Variants in CDC25B observed in about 807,000 individuals in gnomAD.
The protein encoded by CDC25B is M-phase inducer phosphatase 2.
In CDC25B, 33 loss-of-function variants were observed where a neutral mutation model predicts 69.8. That is an observed-to-expected ratio of 0.47 (90% CI 0.36 to 0.63). The LOEUF is 0.63. Ranked by LOEUF, CDC25B falls within the 30% of genes least tolerant of loss-of-function variation. The pLI, the probability that CDC25B is intolerant of heterozygous loss-of-function variation, is 0.00. For missense variants in CDC25B, 727 were observed against 809.1 expected (o/e 0.90, Z 1.23); for synonymous variants, 341 against 314.6 (o/e 1.08, Z -0.89).
chr20:3,800,350 TC>T, intron 4 of CDC25B, 21 bp downstream of exon 4: 1 of 1,614,046 alleles, frequency 6.2e-7, no homozygotes, highest in Non-Finnish European at 8.5e-7. Context: ...CTGGGCCTCT[TC>T]CATCTACCAC....
chr20:3,798,233 G>C (rs2089135332), intron 2 of CDC25B, among the ~76,000 whole-genome samples, 179 bp from the exon 3 acceptor site: 1 of 152,060 alleles, frequency 6.6e-6, no homozygotes, highest in African/African-American at 2.4e-5. Context: ...TGTACCGTCT[G>C]GGGGACGATG....
At chr20:3,796,774 G>C (rs763925251) in intron 1 of CDC25B, 43 bp downstream of exon 1, 1 of 1,526,008 alleles carries the variant, frequency 6.6e-7, no homozygotes. Flanking sequence ...TGAGAGGCTA[G>C]GTCTGGAGTC....
At position 3,800,447 on chromosome 20, in the gene CDC25B, C is replaced by G. The variant is rs1021777274; in HGVS notation, c.423-15C>G. ...GCCTCTCCCAGCTCTCACCTGTCCC[C>G]ATTTCCTCCTGTAGCGAGCAGTTTG... On this transcript the variant is annotated splice_polypyrimidine_tract_variant and intron_variant, in intron 4 of 15. Coordinates refer to ENST00000245960, the MANE Select transcript of CDC25B (RefSeq NM_021873.4). 4.3e-6 allele frequency: 7 copies of G among 1,614,078 alleles called. No homozygotes were observed. Among genetic ancestry groups the G allele is most frequent in the African/African-American group, 4.0e-5 (3 of 74,938 alleles).
intron 1 of CDC25B, 59 bp from the exon 2 acceptor site, chr20:3,797,563 C>G: frequency 6.3e-7 from 1 of 1,598,604 alleles, no homozygotes. Context: ...CGTGGGCTAG[C>G]CAGGCCTTGA....
At chr20:3,804,501 G>A (rs1485033899) in intron 14 of CDC25B, 68 bp from the exon 15 acceptor site, 3 of 980,658 alleles carry the variant, frequency 3.1e-6, no homozygotes, top group African/African-American at 1.6e-5. Flanking sequence ...GGACGTGGGG[G>A]ATAGGTCCCA....
chr20:3,800,573 G>A, intron 5 of CDC25B, 75 bp downstream of exon 5: 1 of 1,591,630 alleles, frequency 6.3e-7, no homozygotes, highest in East Asian at 2.2e-5. Context: ...GATGCATTCA[G>A]GGATCACCTC....
At chr20:3,802,864 C>A (rs2089333846) in intron 11 of CDC25B, 46 bp from the exon 12 acceptor site, 1 of 1,478,678 alleles carries the variant, frequency 6.8e-7, no homozygotes, top group Non-Finnish European at 9.5e-7. Context: ...CTGGTCTTAC[C>A]AATTTAACTT....
At chr20:3,800,716 T>G (rs1304607545) in intron 5 of CDC25B, 27 bp from the exon 6 acceptor site, 1 of 1,401,872 alleles carries the variant, frequency 7.1e-7, no homozygotes, top group Admixed American at 1.8e-5. Flanking sequence ...TTCATTCCTC[T>G]GCCTGCCGCC....
upstream of CDC25B, chr20:3,795,706 C>G: frequency 1.0e-6 from 1 of 985,544 alleles, no homozygotes; most frequent in Non-Finnish European, 1.2e-6. Flanking sequence ...CCTCCCACCT[C>G]CTACGCTGGG....
chr20:3,801,579 C>A lies in CDC25B; in HGVS notation c.841-143C>A. 3 of 1,020,990 alleles carry A rather than the reference C, an allele frequency of 2.9e-6. No homozygotes were observed. In the South Asian group the frequency reaches 4.9e-5, roughly 17 times the overall value. 63.2% of individuals were successfully genotyped at this position (1,020,990 alleles called of 1,614,324 possible). On this transcript the variant is annotated intron_variant, in intron 8 of 15. Transcript: ENST00000245960. The stretch of plus-strand genomic sequence containing the variant: ...AGGTGGCTGGTGCCACAGTGGAGGG[C>A]GGTTTGGGAGGTAGGGGAGCTTCTC...
chr20:3,802,263 A>G lies in CDC25B; in HGVS notation c.1099-18A>G, dbSNP rs1449518748. 2 of 1,607,730 alleles carry G rather than the reference A, an allele frequency of 1.2e-6. No individual in the cohort carries two copies. Among genetic ancestry groups the G allele is most frequent in the South Asian group, 2.2e-5 (2 of 90,968 alleles). ...CAGCCCCACCCTGACCCTGGCCTCCATCTGACTCACTTTCCAGAAAGCCCG... is the reference window on the plus strand; with the variant it reads ...CAGCCCCACCCTGACCCTGGCCTCCGTCTGACTCACTTTCCAGAAAGCCCG... On this transcript the variant is annotated intron_variant, in intron 10 of 15. Coordinates refer to ENST00000245960, the MANE Select transcript of CDC25B (RefSeq NM_021873.4).
In CDC25B at chr20:3,800,152, C is replaced by T. The variant is rs11569998; in HGVS notation, c.381-136C>T. The T allele has an allele frequency of 0.013, 9,475 of 716,544 alleles. 721 individuals carry two copies. The African/African-American group carries it at 0.15, about 12-fold the overall frequency. The allele number at this position is 716,544 out of a possible 1,614,324, so 44.4% of individuals were successfully genotyped here. On this transcript the variant is annotated intron_variant, in intron 3 of 15. Coordinates refer to ENST00000245960, the MANE Select transcript of CDC25B (RefSeq NM_021873.4). Reference sequence around the variant, plus strand: ...GCCCCCTGATGGTGGGCGTTCTTCCCACCCCACCCCTTCCACTGCCTTGAG... The same window carrying T: ...GCCCCCTGATGGTGGGCGTTCTTCCTACCCCACCCCTTCCACTGCCTTGAG...
At chr20:3,799,527 C>T (rs6139207) in intron 3 of CDC25B, among the ~76,000 whole-genome samples, 231 of 32,978 alleles carry the variant, frequency 7.0e-3, no homozygotes, top group Middle Eastern at 0.045. Context: ...TGTGTGTGTG[C>T]GCGCGCGCGC....
upstream of CDC25B, among the ~76,000 whole-genome samples, chr20:3,795,152 G>A (rs1395644606): frequency 2.6e-5 from 4 of 152,132 alleles, no homozygotes; most frequent in Non-Finnish European, 5.9e-5. Flanking sequence ...ACGAGGTCAG[G>A]AGTTCGAGAC....
Position 3,796,361 on chromosome 20 carries a change from C to T in CDC25B, c.-171C>T. ...CCCGGCGTCCCTCGCCCCCCGCCCTCCCCGCATCCCTCTCCTCCCTCGCGC... is the reference window on the plus strand; with the variant it reads ...CCCGGCGTCCCTCGCCCCCCGCCCTTCCCGCATCCCTCTCCTCCCTCGCGC... On this transcript the variant is annotated 5_prime_UTR_variant, in exon 1 of 16. Coordinates refer to ENST00000245960, the MANE Select transcript of CDC25B (RefSeq NM_021873.4). 2 of 1,268,486 alleles carry T rather than the reference C, an allele frequency of 1.6e-6. No homozygotes were observed. The highest frequency in any genetic ancestry group is 4.4e-5 in the Admixed American group (1 of 22,984). The allele number at this position is 1,268,486 out of a possible 1,614,324, so 78.6% of individuals were successfully genotyped here.
intron 3 of CDC25B, 109 bp from the exon 4 acceptor site, chr20:3,800,179 C>T: frequency 3.0e-6 from 2 of 660,858 alleles, no homozygotes; most frequent in South Asian, 2.1e-5. Context: ...TGCCTTGAGC[C>T]TTGGCCCTTG....
rs772585607 is a variant in CDC25B, at chr20:3,803,371, G to A, written c.1357-33G>A. ...GGGGAGGGCCCTGACTCCTGGACCC[G>A]GGGCTGTGCCTGACCTCTGGCTCCT... On this transcript the variant is annotated intron_variant, in intron 13 of 15. Transcript: ENST00000245960. The surrounding 1 kb of genome is among the most constrained non-coding windows in gnomAD (Gnocchi z 4.9). 87 of 1,613,782 alleles carry A rather than the reference G, an allele frequency of 5.4e-5. 3 individuals are homozygous for A. In the South Asian group the frequency reaches 6.7e-4, roughly 12 times the overall value.
At position 3,803,451 on chromosome 20, in the gene CDC25B, G is replaced by A. The variant is rs772465284; in HGVS notation, c.1404G>A (p.Leu468=). 29 of 1,613,980 alleles carry A rather than the reference G, an allele frequency of 1.8e-5. No homozygotes were observed. The highest frequency in any genetic ancestry group is 2.4e-5 in the Non-Finnish European group (28 of 1,180,000). Residue 468 remains leucine, a synonymous_variant, in exon 14 of 16, where the codon CTG becomes CTA. Coordinates refer to ENST00000245960, the MANE Select transcript of CDC25B (RefSeq NM_021873.4). The surrounding 1 kb of genome is among the most constrained non-coding windows in gnomAD (Gnocchi z 4.9). ...AACGCGACGCCGAGAGCTTCCTACTGAAGAGCCCCATCGCGCCCTGTAGCC... is the reference window on the plus strand; with the variant it reads ...AACGCGACGCCGAGAGCTTCCTACTAAAGAGCCCCATCGCGCCCTGTAGCC... The part of the protein sequence containing the change: ...PLERDAESFL[L]KSPIAPCSLD...
Position 3,804,599 on chromosome 20 carries a change from T to C in CDC25B, c.1521T>C (p.Ala507=). The C allele has an allele frequency of 1.2e-6, 2 of 1,614,092 alleles. No homozygotes were observed. The highest frequency in any genetic ancestry group is 1.7e-6 in the Non-Finnish European group (2 of 1,179,928). Residue 507 remains alanine, a synonymous_variant, in exon 15 of 16, where the codon GCT becomes GCC. Transcript: ENST00000245960. ...MCRFIRERDR[A]VNDYPSLYYP... is the part of the protein sequence containing the mutation. ...GTTTCATCAGGGAACGAGACCGTGCTGTCAACGACTACCCCAGCCTCTACT... is the reference window on the plus strand; with the variant it reads ...GTTTCATCAGGGAACGAGACCGTGCCGTCAACGACTACCCCAGCCTCTACT...
Sources: allele counts gnomAD v4.1 joint callset (sites outside exome capture counted in the v4.1 genomes callset), GRCh38; gene constraint gnomAD v4.1.1; non-coding constraint Gnocchi (gnomAD v3.1); transcripts MANE v1.5; gene names NCBI Gene and HGNC (gene_info 2026-07-23, HGNC 2026-07-21).